The following SGMS2 variants were observed in gnomAD, a reference collection of about 807,000 sequenced individuals.
The protein encoded by SGMS2 is phosphatidylcholine:ceramide cholinephosphotransferase 2.
In SGMS2, 21 loss-of-function variants were observed where a neutral mutation model predicts 43.8. The observed-to-expected ratio is 0.48, with a 90% CI of 0.34 to 0.69. The LOEUF (loss-of-function observed/expected upper bound fraction) is 0.69. Among genes scored for constraint, SGMS2 ranks in the 30% least tolerant of loss-of-function variants. SGMS2 has a pLI of 0.01. For synonymous variants in SGMS2, 167 were observed against 160.6 expected (o/e 1.04, Z -0.30); for missense variants, 384 against 443.2 (o/e 0.87, Z 1.20).
intron 1 of SGMS2, among the ~76,000 whole-genome samples, chr4:107,838,447 T>C (rs78259943): frequency 1.3e-5 from 2 of 150,118 alleles, no homozygotes; most frequent in African/African-American, 2.5e-5. Flanking sequence ...TCTTCTTCTT[T>C]TTTTGAAGTT....
At chr4:107,889,321 T>C (rs937066889) in intron 2 of SGMS2, among the ~76,000 whole-genome samples, 3 of 152,204 alleles carry the variant, frequency 2.0e-5, no homozygotes, top group African/African-American at 7.2e-5. Flanking sequence ...TGACACCTTA[T>C]AGTATTTGGC....
chr4:107,827,374 A>G (rs1400053993), intron 1 of SGMS2, among the ~76,000 whole-genome samples: 1 of 152,216 alleles, frequency 6.6e-6, no homozygotes, highest in Non-Finnish European at 1.5e-5. Context: ...ATAGTCCAGT[A>G]GAGACCTCAG....
At chr4:107,887,780 A>G (rs894893744) in intron 2 of SGMS2, among the ~76,000 whole-genome samples, 1 of 152,228 alleles carries the variant, frequency 6.6e-6, no homozygotes, top group Non-Finnish European at 1.5e-5. Flanking sequence ...TTGGGAAAGG[A>G]GACTTAATTT....
At chr4:107,909,268 G>C (rs1293694953) in intron 6 of SGMS2, among the ~76,000 whole-genome samples, 1 of 151,896 alleles carries the variant, frequency 6.6e-6, no homozygotes, top group Non-Finnish European at 1.5e-5. Context: ...ACCACGCCTG[G>C]CTAATTTTTA....
chr4:107,903,354 C>T lies in SGMS2; in HGVS notation c.695C>T (p.Thr232Met), dbSNP rs373977006. ...GDFLFSGHTV[T>M]LTLTYLFIKE... ...TTCCTCTTCAGCGGTCACACGGTTA[C>T]GCTGACACTGACTTATTTGTTCATC... Residue 232 changes from threonine to methionine, a missense_variant, in exon 5 of 7, where the codon ACG becomes ATG. Coordinates refer to ENST00000690982, the MANE Select transcript of SGMS2 (RefSeq NM_001375905.1). The T allele has an allele frequency of 3.9e-5, 63 of 1,613,808 alleles. No individual in the cohort carries two copies. In the East Asian group the frequency reaches 7.6e-4, roughly 19 times the overall value.
rs1245905479 is a variant in SGMS2, at chr4:107,895,778, G to C, written c.225G>C (p.Glu75Asp). The C allele has an allele frequency of 6.2e-7, 1 of 1,613,926 alleles. No individual in the cohort carries two copies. The change falls in exon 3 of 7, where the codon GAG (glutamate) becomes GAC (aspartate). Residue 75 changes from glutamate to aspartate, a missense_variant. By Grantham distance (45) the Glu-to-Asp change is conservative. Coordinates refer to ENST00000690982, the MANE Select transcript of SGMS2 (RefSeq NM_001375905.1). ...PTESRNKFPL[E>D]WWKTGIAFIY... ...AATCAAGGAACAAATTTCCACTAGA[G>C]TGGTGGAAAACGGGCATTGCCTTCA...
At chr4:107,859,242 G>T (rs1188157491) in intron 2 of SGMS2, among the ~76,000 whole-genome samples, 1 of 151,994 alleles carries the variant, frequency 6.6e-6, no homozygotes, top group Non-Finnish European at 1.5e-5. Context: ...GGGTTCATTT[G>T]ACCCTGATGA....
intron 1 of SGMS2, among the ~76,000 whole-genome samples, chr4:107,850,549 A>G (rs899432395): frequency 2.0e-5 from 3 of 152,188 alleles, no homozygotes; most frequent in Non-Finnish European, 2.9e-5. Context: ...TGAAGGTGCC[A>G]TATTCTGAGA....
At chr4:107,906,872 A>C (rs937071166) in intron 5 of SGMS2, among the ~76,000 whole-genome samples, 1 of 152,192 alleles carries the variant, frequency 6.6e-6, no homozygotes, top group Non-Finnish European at 1.5e-5. Flanking sequence ...TTGCCTAAAC[A>C]TTTTGAACTT....
At chr4:107,908,527 G>A in intron 5 of SGMS2, 38 bp from the exon 6 acceptor site, 1 of 1,585,450 alleles carries the variant, frequency 6.3e-7, no homozygotes, top group East Asian at 2.2e-5. Context: ...ATTCATCTCT[G>A]GGAATCTTAT....
intron 1 of SGMS2, among the ~76,000 whole-genome samples, chr4:107,852,746 A>ATTTTTTTTT (rs56359938): frequency 1.4e-5 from 2 of 146,662 alleles, no homozygotes; most frequent in African/African-American, 2.5e-5. Context: ...CTTGTTTCTC[A>ATTTTTTTTT]TTTTTTTTTT....
At chr4:107,861,953 A>C (rs1423099804) in intron 2 of SGMS2, among the ~76,000 whole-genome samples, 1 of 152,238 alleles carries the variant, frequency 6.6e-6, no homozygotes, top group Non-Finnish European at 1.5e-5. Flanking sequence ...GGACTGTCCC[A>C]CTAAGATTAG....
intron 1 of SGMS2, among the ~76,000 whole-genome samples, chr4:107,832,729 A>G (rs906444576): frequency 3.3e-5 from 5 of 152,206 alleles, no homozygotes; most frequent in African/African-American, 1.2e-4. Context: ...CAATATTGCT[A>G]TTGAAAGACA....
intron 2 of SGMS2, among the ~76,000 whole-genome samples, chr4:107,887,448 T>C (rs1361007011): frequency 1.3e-5 from 2 of 152,204 alleles, no homozygotes; most frequent in African/African-American, 2.4e-5. Flanking sequence ...TTTCCCATAA[T>C]TTTAGAACAC....
At chr4:107,886,411 C>T (rs1011162690) in intron 2 of SGMS2, among the ~76,000 whole-genome samples, 19 of 127,868 alleles carry the variant, frequency 1.5e-4, no homozygotes, top group East Asian at 4.5e-4. Flanking sequence ...CGCAGGGTTT[C>T]GCCATGTTGC....
intron 2 of SGMS2, among the ~76,000 whole-genome samples, chr4:107,862,818 A>T (rs1164168625): frequency 6.6e-6 from 1 of 152,192 alleles, no homozygotes; most frequent in Non-Finnish European, 1.5e-5. Context: ...AAACACAAAC[A>T]AGTTGCTAGG....
chr4:107,833,233 A>G (rs1180138262), intron 1 of SGMS2, among the ~76,000 whole-genome samples: 1 of 152,164 alleles, frequency 6.6e-6, no homozygotes. Context: ...TTATTTTTTT[A>G]GCTTTAGGGT....
intron 1 of SGMS2, among the ~76,000 whole-genome samples, chr4:107,857,944 C>T (rs1219452139): frequency 6.6e-6 from 1 of 152,222 alleles, no homozygotes; most frequent in African/African-American, 2.4e-5. Flanking sequence ...TCATTCTTGC[C>T]TCAGGGCCTT....
intron 2 of SGMS2, among the ~76,000 whole-genome samples, chr4:107,882,373 A>G (rs1164170295): frequency 3.3e-5 from 5 of 152,192 alleles, no homozygotes; most frequent in African/African-American, 1.2e-4. Context: ...GATGTTAAGC[A>G]CTTTTCATAT....
Sources: allele counts gnomAD v4.1 joint callset (sites outside exome capture counted in the v4.1 genomes callset), GRCh38; gene constraint gnomAD v4.1.1; transcripts MANE v1.5; gene names NCBI Gene and HGNC (gene_info 2026-07-23, HGNC 2026-07-21).